The following ZNF83 variants were observed in gnomAD, a reference collection of about 807,000 sequenced individuals.
The protein encoded by ZNF83 is zinc finger protein 83, also known as zinc finger protein 816B.
For synonymous variants in ZNF83, 209 were observed against 213.0 expected, an observed-to-expected ratio of 0.98 and a Z score of 0.17; for missense variants, 552 against 629.9, an observed-to-expected ratio of 0.88 and a Z score of 1.32.
intron 2 of ZNF83, among the ~76,000 whole-genome samples, chr19:52,657,928 G>A (rs918315620): frequency 1.3e-5 from 2 of 151,682 alleles, no homozygotes; most frequent in African/African-American, 2.4e-5. Context: ...CCTGAGGTTG[G>A]TAGCTCAAGA....
chr19:52,675,177 T>G (rs2061782085), intron 1 of ZNF83, among the ~76,000 whole-genome samples: 1 of 152,192 alleles, frequency 6.6e-6, no homozygotes, highest in African/African-American at 2.4e-5. Context: ...CTAATAGCAT[T>G]AACTTGTTTT....
chr19:52,673,215 C>T (rs1025513769), intron 1 of ZNF83, among the ~76,000 whole-genome samples: 11 of 152,064 alleles, frequency 7.2e-5, no homozygotes, highest in African/African-American at 2.7e-4. Flanking sequence ...TCTCAAAAAA[C>T]TAAACAAATG....
intron 1 of ZNF83, among the ~76,000 whole-genome samples, chr19:52,669,001 C>A (rs1175711438): frequency 1.3e-5 from 2 of 152,158 alleles, no homozygotes; most frequent in African/African-American, 2.4e-5. Flanking sequence ...AGGGAGGAAA[C>A]TTAACATTCC....
exon 3 of ZNF83, chr19:52,613,780 C>G (rs1333031181): frequency 6.2e-7 from 1 of 1,607,542 alleles, no homozygotes; most frequent in African/African-American, 1.4e-5. Context: ...TACATTACAT[C>G]TGTAAGGTTT....
At chr19:52,650,212 G>A (rs1445711429) in intron 3 of ZNF83, among the ~76,000 whole-genome samples, 3 of 151,388 alleles carry the variant, frequency 2.0e-5, no homozygotes, top group South Asian at 2.1e-4. Context: ...CTGAGAGCCC[G>A]TGGTAAATTT....
intron 2 of ZNF83, among the ~76,000 whole-genome samples, chr19:52,620,240 A>C (rs56137149): frequency 0.2 from 28,635 of 140,318 alleles, 3,336 homozygotes; most frequent in East Asian, 0.47. Flanking sequence ...ATATGTATAT[A>C]TGTGTGTGTA....
intron 1 of ZNF83, among the ~76,000 whole-genome samples, chr19:52,677,884 C>T (rs150612370): frequency 0.01 from 1,555 of 151,646 alleles, 25 homozygotes; most frequent in African/African-American, 0.027. Flanking sequence ...AAATACAAAA[C>T]ATTAGCTGGG....
intron 2 of ZNF83, among the ~76,000 whole-genome samples, chr19:52,629,025 C>T (rs2060851508): frequency 1.3e-5 from 2 of 152,010 alleles, no homozygotes; most frequent in South Asian, 4.2e-4. Context: ...GCCTCCTTCA[C>T]TATAGGCAAT....
In ZNF83 at chr19:52,614,658, A is replaced by G; in HGVS notation, c.-94T>C. On this transcript the variant is annotated 5_prime_UTR_variant, in exon 3 of 3. The change abolishes an upstream ATG in the 5' untranslated region. Coordinates refer to ENST00000301096, the Ensembl canonical transcript of ZNF83. ...TCCACAGACACTGAGAGTCATGTAC[A>G]TTTTTCTGGGTTTCTCTGAAGCAAA... 1 of 1,371,328 alleles carries G rather than the reference A, an allele frequency of 7.3e-7. No homozygotes were observed. The highest frequency in any genetic ancestry group is 9.5e-7 in the Non-Finnish European group (1 of 1,054,496). The allele number at this position is 1,371,328 out of a possible 1,614,324, so 84.9% of individuals were successfully genotyped here.
At chr19:52,636,707 G>C (rs1010609967) in intron 1 of ZNF83, 5 of 152,152 alleles carry the variant, frequency 3.3e-5, no homozygotes, top group African/African-American at 1.2e-4. Context: ...CCAGGCTGGA[G>C]TGCAGTGACA....
At chr19:52,679,084 C>T (rs1279203214) in intron 1 of ZNF83, among the ~76,000 whole-genome samples, 1 of 151,982 alleles carries the variant, frequency 6.6e-6, no homozygotes, top group Non-Finnish European at 1.5e-5. Flanking sequence ...GATTCTACAA[C>T]AAATTGAACA....
At chr19:52,653,593 C>T (rs780985103) in intron 3 of ZNF83, among the ~76,000 whole-genome samples, 3 of 152,028 alleles carry the variant, frequency 2.0e-5, no homozygotes, top group East Asian at 1.9e-4. Flanking sequence ...ATGACGTCTA[C>T]GATGCCCTAC....
upstream of ZNF83, among the ~76,000 whole-genome samples, chr19:52,639,415 A>ATTTTTTTTTTTTTTTTTTTTTTTT (rs1160711365): frequency 4.6e-5 from 4 of 86,346 alleles, no homozygotes; most frequent in African/African-American, 9.9e-5. Flanking sequence ...AGTTTTTTCT[A>ATTTTTTTTTTTTTTTTTTTTTTTT]TTTTTTTTTT....
chr19:52,632,836 A>T (rs1411188239), intron 2 of ZNF83, among the ~76,000 whole-genome samples: 1 of 152,026 alleles, frequency 6.6e-6, no homozygotes, highest in East Asian at 1.9e-4. Flanking sequence ...TGTTTCTTCC[A>T]ACAGCCCCAC....
chr19:52,619,491 T>A (rs2060453077), intron 2 of ZNF83, among the ~76,000 whole-genome samples: 1 of 152,064 alleles, frequency 6.6e-6, no homozygotes, highest in South Asian at 2.1e-4. Flanking sequence ...CTGGATGTGG[T>A]GGTAGATGCC....
chr19:52,688,202 ACT>A (rs1293976670), intron 1 of ZNF83, among the ~76,000 whole-genome samples: 2 of 151,544 alleles, frequency 1.3e-5, no homozygotes, highest in Admixed American at 6.6e-5. Context: ...ACAGGGTCTC[ACT>A]CTGTTGACCA....
At chr19:52,616,943 A>G (rs905459072) in intron 2 of ZNF83, 1 of 152,204 alleles carries the variant, frequency 6.6e-6, no homozygotes, top group African/African-American at 2.4e-5. Flanking sequence ...ACAGAAAACC[A>G]AACACCGCAT....
chr19:52,687,293 C>T (rs1003226185), intron 1 of ZNF83, among the ~76,000 whole-genome samples: 1 of 142,864 alleles, frequency 7.0e-6, no homozygotes, highest in Non-Finnish European at 1.5e-5. Context: ...ATTTTGAGAC[C>T]AGCTTGGGAA....
In ZNF83 at chr19:52,634,578, C is replaced by A. The variant is rs1352613382; in HGVS notation, c.-234+488G>T. On this transcript the variant is annotated intron_variant, in intron 2 of 2. Coordinates refer to ENST00000301096, the Ensembl canonical transcript of ZNF83. ...TTCTAATTAGTAAGATTTTTGGAGT[C>A]AGAAACAAAGTAACTCACTAAATTA... 1.4e-4 allele frequency among the ~76,000 whole-genome samples: 22 copies of A among 152,226 alleles called. No individual in the cohort carries two copies. In the East Asian group the frequency reaches 3.9e-3, roughly 27 times the overall value.
Sources: allele counts gnomAD v4.1 joint callset (sites outside exome capture counted in the v4.1 genomes callset), GRCh38; gene constraint gnomAD v4.1.1; transcripts MANE v1.5; gene names NCBI Gene and HGNC (gene_info 2026-07-23, HGNC 2026-07-21).